Variants in TTC28 observed in about 807,000 individuals in gnomAD.
TTC28 encodes tetratricopeptide repeat domain 28, also known as tetratricopeptide repeat protein 28.
In TTC28, 61 loss-of-function variants were observed where a neutral mutation model predicts 198.0. The observed-to-expected ratio is 0.31, with a 90% CI of 0.25 to 0.38. The LOEUF (loss-of-function observed/expected upper bound fraction) is 0.38. TTC28 is among the 10% of genes least tolerant of loss of function. The probability of loss-of-function intolerance (pLI) is 1.00; values close to 1 mark genes in which losing one functional copy is unlikely to be tolerated. For synonymous variants in TTC28, 1,171 were observed against 1,297.8 expected, an observed-to-expected ratio of 0.90 and a Z score of 2.10; for missense variants, 2,678 against 3,164.0, an observed-to-expected ratio of 0.85 and a Z score of 3.69.
chr22:28,183,906 T>G (rs1055059464), intron 5 of TTC28, among the ~76,000 whole-genome samples: 1 of 152,204 alleles, frequency 6.6e-6, no homozygotes, highest in African/African-American at 2.4e-5. Flanking sequence ...CCCAGCCAGC[T>G]ATTAGTGGCA....
intron 1 of TTC28, among the ~76,000 whole-genome samples, chr22:28,661,937 C>G (rs1475746948): frequency 6.6e-6 from 1 of 152,098 alleles, no homozygotes; most frequent in African/African-American, 2.4e-5. Context: ...CTGGGTCTCA[C>G]ACTATGTCAC....
At chr22:28,614,917 C>T (rs1185244447) in intron 2 of TTC28, among the ~76,000 whole-genome samples, 15 of 151,998 alleles carry the variant, frequency 9.9e-5, no homozygotes, top group South Asian at 2.1e-4. Flanking sequence ...CCAAAAGCAA[C>T]GGCAACAAAA....
intron 2 of TTC28, among the ~76,000 whole-genome samples, chr22:28,335,118 T>C (rs1050031953): frequency 2.0e-5 from 3 of 152,228 alleles, no homozygotes; most frequent in Non-Finnish European, 2.9e-5. Flanking sequence ...GGGAATCCTT[T>C]CCCCATTGCT....
chr22:28,286,552 G>A (rs908071409), intron 5 of TTC28, among the ~76,000 whole-genome samples: 17 of 152,132 alleles, frequency 1.1e-4, no homozygotes, highest in Non-Finnish European at 1.8e-4. Context: ...ATAAATCTAC[G>A]AGAATACACT....
At chr22:28,472,865 G>A (rs1291729117) in intron 2 of TTC28, among the ~76,000 whole-genome samples, 1 of 151,984 alleles carries the variant, frequency 6.6e-6, no homozygotes, top group Non-Finnish European at 1.5e-5. Context: ...TCAGAACACT[G>A]AAAATCTTAC....
chr22:28,621,886 G>A, intron 2 of TTC28, among the ~76,000 whole-genome samples: 1 of 152,020 alleles, frequency 6.6e-6, no homozygotes. Context: ...TGGAAGAAAT[G>A]AACCTAGTGG....
intron 5 of TTC28, among the ~76,000 whole-genome samples, chr22:28,199,546 T>TATATATATATATATAC (rs1262036958): frequency 6.8e-6 from 1 of 147,922 alleles, no homozygotes; most frequent in Admixed American, 6.7e-5. Flanking sequence ...TATATATATA[T>TATATATATATATATAC]ATACACACAA....
At chr22:28,310,357 G>A (rs1601611176) in intron 2 of TTC28, among the ~76,000 whole-genome samples, 2 of 152,260 alleles carry the variant, frequency 1.3e-5, no homozygotes, top group Middle Eastern at 6.8e-3. Context: ...TGTTAAAATT[G>A]TTAGTATTAT....
chr22:28,591,956 G>A (rs940669907), intron 2 of TTC28, among the ~76,000 whole-genome samples: 5 of 152,236 alleles, frequency 3.3e-5, no homozygotes, highest in East Asian at 1.9e-4. Flanking sequence ...GGTAGAGGGC[G>A]GAGCTGGGGG....
chr22:28,660,905 A>AG (rs1180623745), intron 1 of TTC28, among the ~76,000 whole-genome samples: 1 of 152,042 alleles, frequency 6.6e-6, no homozygotes, highest in Non-Finnish European at 1.5e-5. Context: ...ATCTGAGAAA[A>AG]GGAAAAAAAA....
At chr22:28,120,775 G>A (rs552943646) in intron 6 of TTC28, among the ~76,000 whole-genome samples, 1 of 152,322 alleles carries the variant, frequency 6.6e-6, no homozygotes, top group East Asian at 1.9e-4. Context: ...AAAGACAGAT[G>A]GATGTTTTAG....
At chr22:28,530,901 G>A (rs530193979) in intron 2 of TTC28, among the ~76,000 whole-genome samples, 3 of 152,244 alleles carry the variant, frequency 2.0e-5, no homozygotes, top group Non-Finnish European at 4.4e-5. Context: ...CAAAGCTCCT[G>A]GAGGAAGCAC....
chr22:28,134,939 T>C (rs947732830), intron 6 of TTC28, among the ~76,000 whole-genome samples: 6 of 152,244 alleles, frequency 3.9e-5, no homozygotes, highest in African/African-American at 9.6e-5. Context: ...TGCATTCTTA[T>C]AATGTTTACT....
At chr22:28,375,684 C>A (rs1417951821) in intron 2 of TTC28, among the ~76,000 whole-genome samples, 1 of 152,210 alleles carries the variant, frequency 6.6e-6, no homozygotes, top group Non-Finnish European at 1.5e-5. Flanking sequence ...AGCATTACTT[C>A]TGGCTGTGTC....
chr22:28,300,380 T>A (rs10483148), intron 3 of TTC28, among the ~76,000 whole-genome samples: 3,280 of 152,272 alleles, frequency 0.022, 33 homozygotes, highest in Non-Finnish European at 0.027. Flanking sequence ...AATCATCTAA[T>A]TGAGCCTCTA....
chr22:28,192,452 G>A (rs968791032), intron 5 of TTC28, among the ~76,000 whole-genome samples: 3 of 152,152 alleles, frequency 2.0e-5, no homozygotes, highest in African/African-American at 4.8e-5. Context: ...TGACTTTGAC[G>A]AGTTGAGAGA....
intron 12 of TTC28, among the ~76,000 whole-genome samples, chr22:28,041,549 G>T (rs1012615763): frequency 2.0e-5 from 3 of 152,282 alleles, no homozygotes; most frequent in African/African-American, 7.2e-5. Flanking sequence ...GCTGAAACTG[G>T]ATCCCTTCCT....
chr22:28,291,459 G>A (rs190210408), intron 5 of TTC28, among the ~76,000 whole-genome samples: 468 of 152,244 alleles, frequency 3.1e-3, no homozygotes, highest in Non-Finnish European at 5.0e-3. Context: ...TTAAAAAACA[G>A]TCAACCCAAG....
chr22:28,629,520 G>A, intron 2 of TTC28, 32 bp downstream of exon 2: 1 of 1,511,162 alleles, frequency 6.6e-7, no homozygotes, highest in East Asian at 2.5e-5. Flanking sequence ...AAGATTCTAT[G>A]AAAATAAATC....
Sources: gnomAD v4.1 joint callset for allele counts (sites outside exome capture counted in the v4.1 genomes callset) on GRCh38, gnomAD v4.1.1 for gene constraint, MANE v1.5 for transcripts, NCBI Gene and HGNC (gene_info 2026-07-23, HGNC 2026-07-21) for gene names.